RBMS3: variants seen among roughly 807,000 people sequenced by gnomAD.
RBMS3 encodes the protein RNA binding motif single stranded interacting protein 3.
In RBMS3, 27 loss-of-function variants were observed where a neutral mutation model predicts 66.8. That is an observed-to-expected ratio of 0.40 (90% CI 0.30 to 0.56). The LOEUF (loss-of-function observed/expected upper bound fraction) is 0.56. Ranked by LOEUF, RBMS3 falls within the 20% of genes least tolerant of loss-of-function variation. The pLI, the probability that RBMS3 is intolerant of heterozygous loss-of-function variation, is 0.40. For synonymous variants in RBMS3, 188 were observed against 183.0 expected, an observed-to-expected ratio of 1.03 and a Z score of -0.22; for missense variants, 513 against 549.5, an observed-to-expected ratio of 0.93 and a Z score of 0.66.
chr3:29,493,712 A>G (rs531594445), intron 3 of RBMS3, among the ~76,000 whole-genome samples: 1 of 152,246 alleles, frequency 6.6e-6, no homozygotes, highest in East Asian at 1.9e-4. Context: ...TTTCTATGGA[A>G]CCTGAGTAAC....
chr3:29,890,635 G>T (rs796546796), intron 8 of RBMS3, among the ~76,000 whole-genome samples: 1 of 151,460 alleles, frequency 6.6e-6, no homozygotes, highest in Admixed American at 6.6e-5. Flanking sequence ...AAATGCTCAC[G>T]TCATATTAGG....
intron 4 of RBMS3, among the ~76,000 whole-genome samples, chr3:29,716,917 A>G (rs975600266): frequency 6.6e-6 from 1 of 151,890 alleles, no homozygotes; most frequent in African/African-American, 2.4e-5. Flanking sequence ...TAGTACATGC[A>G]TACGTATTAC....
intron 3 of RBMS3, among the ~76,000 whole-genome samples, chr3:29,575,914 T>C (rs960224271): frequency 6.6e-6 from 1 of 152,160 alleles, no homozygotes; most frequent in Non-Finnish European, 1.5e-5. Context: ...GTCTGTATTA[T>C]CTTTAATTTT....
At chr3:29,922,380 G>T (rs535278947) in intron 10 of RBMS3, among the ~76,000 whole-genome samples, 28 of 151,500 alleles carry the variant, frequency 1.8e-4, no homozygotes, top group Non-Finnish European at 3.8e-4. Context: ...CCAGCTACTC[G>T]GGAGGCTGAG....
intron 3 of RBMS3, among the ~76,000 whole-genome samples, chr3:29,548,730 C>CT (rs1174633302): frequency 6.6e-6 from 1 of 151,892 alleles, no homozygotes; most frequent in Non-Finnish European, 1.5e-5. Flanking sequence ...CATGTAACCT[C>CT]TCTCCAGTCC....
At chr3:29,629,840 G>A (rs1004151767) in intron 4 of RBMS3, among the ~76,000 whole-genome samples, 2 of 151,992 alleles carry the variant, frequency 1.3e-5, no homozygotes, top group Admixed American at 6.6e-5. Context: ...CTAGACTAAC[G>A]TGAATTTCTC....
chr3:29,430,004 A>G (rs957175258), intron 1 of RBMS3, among the ~76,000 whole-genome samples: 2 of 152,194 alleles, frequency 1.3e-5, no homozygotes, highest in Admixed American at 6.5e-5. Context: ...TTTGGCAGCA[A>G]GAACATACAA....
chr3:29,422,080 G>A (rs998618378), intron 1 of RBMS3, among the ~76,000 whole-genome samples: 7 of 152,170 alleles, frequency 4.6e-5, no homozygotes, highest in African/African-American at 1.2e-4. Flanking sequence ...ACAGTGTTCT[G>A]AGGTAGCTAT....
At chr3:29,316,516 T>C (rs1376496428) in intron 1 of RBMS3, among the ~76,000 whole-genome samples, 1 of 151,648 alleles carries the variant, frequency 6.6e-6, no homozygotes, top group Non-Finnish European at 1.5e-5. Context: ...AGATAGTAAA[T>C]ATTTTCTGCT....
intron 6 of RBMS3, among the ~76,000 whole-genome samples, chr3:29,847,816 CG>C (rs1480860700): frequency 2.0e-5 from 3 of 152,006 alleles, no homozygotes; most frequent in Admixed American, 6.6e-5. Context: ...CCGTCACGCC[CG>C]GCTAATTTTC....
chr3:29,810,755 C>T (rs139148895), intron 6 of RBMS3, among the ~76,000 whole-genome samples: 1 of 152,166 alleles, frequency 6.6e-6, no homozygotes, highest in East Asian at 1.9e-4. Context: ...AATTATATTT[C>T]TCTTAACACT....
intron 1 of RBMS3, among the ~76,000 whole-genome samples, chr3:29,355,027 G>A (rs2037136011): frequency 6.6e-6 from 1 of 152,136 alleles, no homozygotes; most frequent in Non-Finnish European, 1.5e-5. Flanking sequence ...GCTAGAAAGT[G>A]CCTGGTTAGC....
At chr3:29,842,257 C>A (rs1192502154) in intron 6 of RBMS3, among the ~76,000 whole-genome samples, 1 of 152,078 alleles carries the variant, frequency 6.6e-6, no homozygotes, top group African/African-American at 2.4e-5. Flanking sequence ...GTTTTTCTTG[C>A]ATCTTGGATA....
chr3:29,341,258 GAATC>G (rs2036267744), intron 1 of RBMS3, among the ~76,000 whole-genome samples: 1 of 151,954 alleles, frequency 6.6e-6, no homozygotes, highest in Non-Finnish European at 1.5e-5. Context: ...AAATACAGAA[GAATC>G]AAAATGTTTT....
At chr3:29,588,574 T>C (rs920444180) in intron 4 of RBMS3, among the ~76,000 whole-genome samples, 19 of 152,084 alleles carry the variant, frequency 1.2e-4, no homozygotes, top group African/African-American at 4.6e-4. Context: ...ACTTCCCATA[T>C]AGATTACTTT....
chr3:29,747,578 T>G (rs1017046771), intron 5 of RBMS3, among the ~76,000 whole-genome samples: 1 of 152,114 alleles, frequency 6.6e-6, no homozygotes, highest in African/African-American at 2.4e-5. Flanking sequence ...TCTACTGGAT[T>G]GGGGATGATG....
At chr3:29,600,102 G>C (rs931906037) in intron 4 of RBMS3, among the ~76,000 whole-genome samples, 1 of 152,040 alleles carries the variant, frequency 6.6e-6, no homozygotes, top group Non-Finnish European at 1.5e-5. Context: ...GTTACGAATT[G>C]TTGTGGAAAT....
chr3:29,683,425 A>G (rs1299093488), intron 4 of RBMS3, among the ~76,000 whole-genome samples: 1 of 152,208 alleles, frequency 6.6e-6, no homozygotes, highest in African/African-American at 2.4e-5. Flanking sequence ...TGCCAAATTG[A>G]ACAATAGCAG....
chr3:29,625,700 G>GAACA (rs2049035648), intron 4 of RBMS3, among the ~76,000 whole-genome samples: 1 of 139,918 alleles, frequency 7.1e-6, no homozygotes, highest in East Asian at 2.3e-4. Context: ...CGCCATTAAA[G>GAACA]TAAATAAATA....
Sources: allele counts gnomAD v4.1 joint callset (sites outside exome capture counted in the v4.1 genomes callset), GRCh38; gene constraint gnomAD v4.1.1; transcripts MANE v1.5; gene names NCBI Gene and HGNC (gene_info 2026-07-23, HGNC 2026-07-21).